PRELID2: variants seen among roughly 807,000 people sequenced by gnomAD.
PRELID2 encodes PRELI domain containing 2.
Under a neutral mutation model 28.4 loss-of-function variants are expected in PRELID2, and 25 were observed. The observed-to-expected ratio is 0.88, with a 90% CI of 0.64 to 1.23. The LOEUF is 1.23. PRELID2 is among the 50% of genes most tolerant of loss of function. The probability of loss-of-function intolerance (pLI) is 0.00; values close to 1 mark genes in which losing one functional copy is unlikely to be tolerated. For missense variants in PRELID2, 201 were observed against 214.4 expected (o/e 0.94, Z 0.39); for synonymous variants, 76 against 71.6 (o/e 1.06, Z -0.31).
chr5:145,658,710 G>A (rs1754437062), intron 1 of PRELID2, among the ~76,000 whole-genome samples: 1 of 152,192 alleles, frequency 6.6e-6, no homozygotes, highest in Non-Finnish European at 1.5e-5. Flanking sequence ...CAATGCTGCT[G>A]CCATGATTCC....
At chr5:145,692,993 G>A (rs1359819321) in intron 1 of PRELID2, among the ~76,000 whole-genome samples, 1 of 152,050 alleles carries the variant, frequency 6.6e-6, no homozygotes, top group African/African-American at 2.4e-5. Flanking sequence ...AGAAAATACA[G>A]GTGTACGTCA....
the PRELID2 span, among the ~76,000 whole-genome samples, chr5:145,302,294 C>T: frequency 7.9e-5 from 12 of 151,942 alleles, no homozygotes; most frequent in African/African-American, 1.7e-4. Flanking sequence ...GGCACCACCA[C>T]GCCTGGCTAA....
chr5:145,564,777 C>T (rs1185419249), intron 1 of PRELID2, among the ~76,000 whole-genome samples: 1 of 152,184 alleles, frequency 6.6e-6, no homozygotes, highest in Non-Finnish European at 1.5e-5. Context: ...AGATAACCCC[C>T]CTTTCCTAAC....
At chr5:145,671,416 T>G (rs151057892) in intron 1 of PRELID2, among the ~76,000 whole-genome samples, 6 of 152,232 alleles carry the variant, frequency 3.9e-5, no homozygotes, top group African/African-American at 1.2e-4. Context: ...ATTAAAAAAT[T>G]TTCTGTATTA....
intron 1 of PRELID2, among the ~76,000 whole-genome samples, chr5:145,632,267 C>T (rs942603356): frequency 6.6e-6 from 1 of 152,150 alleles, no homozygotes; most frequent in African/African-American, 2.4e-5. Flanking sequence ...TGACACCCTT[C>T]CTAAAGCAGA....
chr5:145,704,035 A>C (rs1755477606), intron 1 of PRELID2: 1 of 152,212 alleles, frequency 6.6e-6, no homozygotes, highest in African/African-American at 2.4e-5. Flanking sequence ...CTCCCTGATG[A>C]AACATCATTT....
chr5:145,728,431 CA>C, intron 1 of PRELID2: 1 of 564,482 alleles, frequency 1.8e-6, no homozygotes. Flanking sequence ...CAGCAAGAGA[CA>C]AAACAGGGAC....
chr5:145,236,801 C>T, the PRELID2 span, among the ~76,000 whole-genome samples: 1 of 152,126 alleles, frequency 6.6e-6, no homozygotes, highest in Non-Finnish European at 1.5e-5. Flanking sequence ...CCTTCCACAC[C>T]TTTAAGGAAA....
chr5:145,764,850 G>C, intron 6 of PRELID2, 81 bp downstream of exon 6: 1 of 964,226 alleles, frequency 1.0e-6, no homozygotes, highest in Non-Finnish European at 1.7e-6. Context: ...ATAGCCCAGG[G>C]AGGCTGCTGT....
chr5:145,747,191 G>C (rs1256501107), intron 1 of PRELID2, among the ~76,000 whole-genome samples: 5 of 150,176 alleles, frequency 3.3e-5, no homozygotes, highest in Admixed American at 6.7e-5. Context: ...TCAGAGCAGA[G>C]TTGAAGAAGA....
the PRELID2 span, among the ~76,000 whole-genome samples, chr5:145,279,936 A>C: frequency 1.3e-5 from 2 of 152,158 alleles, no homozygotes; most frequent in Non-Finnish European, 2.9e-5. Context: ...AGATCCCATC[A>C]GAACAGAATA....
chr5:145,620,229 C>T (rs1160978764), intron 1 of PRELID2, among the ~76,000 whole-genome samples: 3 of 152,124 alleles, frequency 2.0e-5, no homozygotes, highest in Non-Finnish European at 4.4e-5. Flanking sequence ...AAAGAAAAAT[C>T]TACATTTAAA....
At chr5:145,375,103 TCA>T in the PRELID2 span, among the ~76,000 whole-genome samples, 9 of 152,268 alleles carry the variant, frequency 5.9e-5, no homozygotes, top group African/African-American at 2.2e-4. Flanking sequence ...TGATTCTTTC[TCA>T]CCTTTGTGAG....
chr5:145,766,221 T>C (rs1424692422), intron 5 of PRELID2, among the ~76,000 whole-genome samples: 1 of 152,184 alleles, frequency 6.6e-6, no homozygotes, highest in Non-Finnish European at 1.5e-5. Context: ...GATCTGAGCC[T>C]GAGAATTCTT....
chr5:145,721,954 G>A (rs1395163135), intron 1 of PRELID2, among the ~76,000 whole-genome samples: 3 of 152,142 alleles, frequency 2.0e-5, no homozygotes, highest in Non-Finnish European at 2.9e-5. Context: ...CCTGCATAAA[G>A]CAGAAACTGT....
chr5:145,707,570 C>T, intron 1 of PRELID2, among the ~76,000 whole-genome samples: 1 of 152,036 alleles, frequency 6.6e-6, no homozygotes, highest in East Asian at 1.9e-4. Flanking sequence ...GAAATGGTGG[C>T]CTTTAGAATT....
chr5:145,364,806 T>G, the PRELID2 span, among the ~76,000 whole-genome samples: 1 of 151,996 alleles, frequency 6.6e-6, no homozygotes, highest in Non-Finnish European at 1.5e-5. Flanking sequence ...GCACTGCCAC[T>G]TCTTTGATTC....
the PRELID2 span, among the ~76,000 whole-genome samples, chr5:145,370,341 G>C: frequency 1.2e-4 from 18 of 151,946 alleles, no homozygotes; most frequent in Non-Finnish European, 1.9e-4. Context: ...TTCTGCATAT[G>C]GCTAGCCAGT....
At chr5:145,603,284 A>G (rs1273963316) in intron 1 of PRELID2, among the ~76,000 whole-genome samples, 1 of 149,128 alleles carries the variant, frequency 6.7e-6, no homozygotes, top group Non-Finnish European at 1.5e-5. Flanking sequence ...ATTAAATCAG[A>G]GCAGCTAGAA....
Sources: gnomAD v4.1 joint callset for allele counts (sites outside exome capture counted in the v4.1 genomes callset) on GRCh38, gnomAD v4.1.1 for gene constraint, MANE v1.5 for transcripts, NCBI Gene and HGNC (gene_info 2026-07-23, HGNC 2026-07-21) for gene names.